CADPS2: variants seen among roughly 807,000 people sequenced by gnomAD.
CADPS2 encodes calcium dependent secretion activator 2, also known as calcium-dependent secretion activator 2.
CADPS2 carries 93 observed loss-of-function variants against 172.5 expected under a neutral mutation model. The ratio of observed to expected loss-of-function variants is 0.54; its 90% CI spans 0.46 to 0.64. CADPS2 has a LOEUF of 0.64. CADPS2 is among the 30% of genes least tolerant of loss of function. CADPS2 has a pLI of 0.00. For synonymous variants in CADPS2, 546 were observed against 555.2 expected, an observed-to-expected ratio of 0.98 and a Z score of 0.23; for missense variants, 1,420 against 1,565.9, an observed-to-expected ratio of 0.91 and a Z score of 1.57.
chr7:122,774,787 C>T (rs895315801), intron 1 of CADPS2, among the ~76,000 whole-genome samples: 1 of 152,110 alleles, frequency 6.6e-6, no homozygotes, highest in Non-Finnish European at 1.5e-5. Context: ...TATTAACTTT[C>T]CTTTGAGGCC....
intron 8 of CADPS2, among the ~76,000 whole-genome samples, chr7:122,542,678 T>C (rs2063220724): frequency 6.6e-6 from 1 of 152,118 alleles, no homozygotes. Flanking sequence ...TTTAATGTTT[T>C]ACACATTTCA....
intron 8 of CADPS2, among the ~76,000 whole-genome samples, chr7:122,540,802 C>T (rs779605250): frequency 3.4e-4 from 51 of 152,184 alleles, no homozygotes; most frequent in Non-Finnish European, 5.4e-4. Flanking sequence ...TAATACCTAT[C>T]AATCATTAAC....
At chr7:122,790,398 A>G (rs1034550955) in intron 1 of CADPS2, among the ~76,000 whole-genome samples, 7 of 85,206 alleles carry the variant, frequency 8.2e-5, no homozygotes, top group African/African-American at 3.0e-4. Context: ...CAGCGTTTCT[A>G]AAAAAAAAAA....
At chr7:122,750,770 C>T (rs542567739) in intron 1 of CADPS2, among the ~76,000 whole-genome samples, 3 of 152,026 alleles carry the variant, frequency 2.0e-5, no homozygotes, top group Non-Finnish European at 4.4e-5. Context: ...GTACGAAAGA[C>T]CTACCCCACA....
At chr7:122,681,607 C>G in intron 2 of CADPS2, 1 of 1,500,574 alleles carries the variant, frequency 6.7e-7, no homozygotes, top group Non-Finnish European at 9.2e-7. Context: ...CGAACACCCC[C>G]ACCCAGATTT....
intron 17 of CADPS2, chr7:122,436,476 G>A: frequency 1.7e-6 from 1 of 581,830 alleles, no homozygotes; most frequent in Non-Finnish European, 2.6e-6. Context: ...AGTTTGATTT[G>A]GTTCTTAGTC....
At chr7:122,615,972 T>C (rs749985269) in intron 5 of CADPS2, among the ~76,000 whole-genome samples, 4 of 152,078 alleles carry the variant, frequency 2.6e-5, no homozygotes, top group African/African-American at 9.6e-5. Flanking sequence ...AAAACTGATA[T>C]TGCCTTATGT....
At chr7:122,561,380 G>A (rs984243268) in intron 7 of CADPS2, among the ~76,000 whole-genome samples, 2 of 151,782 alleles carry the variant, frequency 1.3e-5, no homozygotes, top group African/African-American at 4.8e-5. Flanking sequence ...ACAAAATGGG[G>A]TAGAAGAAAA....
intron 28 of CADPS2, among the ~76,000 whole-genome samples, chr7:122,344,971 T>A (rs1370215198): frequency 1.3e-5 from 2 of 152,154 alleles, no homozygotes; most frequent in African/African-American, 4.8e-5. Flanking sequence ...TCTACCTTTA[T>A]AATGAACTGA....
intron 1 of CADPS2, among the ~76,000 whole-genome samples, chr7:122,755,392 A>C (rs867495107): frequency 6.6e-6 from 1 of 152,308 alleles, no homozygotes; most frequent in Middle Eastern, 3.4e-3. Context: ...GCTAAAACCA[A>C]AATGCCTCAC....
At chr7:122,878,603 G>A (rs1196517644) in intron 1 of CADPS2, among the ~76,000 whole-genome samples, 7 of 151,176 alleles carry the variant, frequency 4.6e-5, no homozygotes, top group Admixed American at 4.6e-4. Flanking sequence ...TCCTGCCACT[G>A]CACTCCAGCC....
intron 1 of CADPS2, among the ~76,000 whole-genome samples, chr7:122,838,866 T>A (rs909176243): frequency 1.3e-5 from 2 of 152,194 alleles, no homozygotes; most frequent in Non-Finnish European, 2.9e-5. Flanking sequence ...AGGTAATTTA[T>A]AGATTCAATG....
At chr7:122,678,482 C>T (rs73719740) in intron 2 of CADPS2, among the ~76,000 whole-genome samples, 6,714 of 152,140 alleles carry the variant, frequency 0.044, 495 homozygotes, top group African/African-American at 0.15. Context: ...TTGGAGTTTA[C>T]GTTTTTTGTA....
At chr7:122,756,690 G>T (rs1418262152) in intron 1 of CADPS2, among the ~76,000 whole-genome samples, 2 of 152,174 alleles carry the variant, frequency 1.3e-5, no homozygotes, top group African/African-American at 4.8e-5. Context: ...CCTGAGGTCA[G>T]GAGTTCGAGA....
At chr7:122,860,664 A>C (rs962324041) in intron 1 of CADPS2, among the ~76,000 whole-genome samples, 2 of 152,204 alleles carry the variant, frequency 1.3e-5, no homozygotes, top group African/African-American at 2.4e-5. Context: ...TCTACTATGC[A>C]ATAGAATATC....
intron 2 of CADPS2, among the ~76,000 whole-genome samples, chr7:122,693,153 C>T (rs2084614772): frequency 6.6e-6 from 1 of 152,182 alleles, no homozygotes; most frequent in South Asian, 2.1e-4. Context: ...ACCAAAATTC[C>T]ATGTGACACT....
chr7:122,631,996 C>T (rs1414458347), intron 3 of CADPS2, among the ~76,000 whole-genome samples: 3 of 152,166 alleles, frequency 2.0e-5, no homozygotes, highest in South Asian at 2.1e-4. Context: ...CCAGCTGCAT[C>T]GACATTGCTG....
At chr7:122,480,234 A>C (rs910957282) in intron 12 of CADPS2, 1 of 420,966 alleles carries the variant, frequency 2.4e-6, no homozygotes, top group Admixed American at 2.6e-5. Context: ...AGAGAAATCT[A>C]TAAATACATA....
chr7:122,820,801 C>T (rs1239855126), intron 1 of CADPS2, among the ~76,000 whole-genome samples: 4 of 136,916 alleles, frequency 2.9e-5, no homozygotes, highest in Admixed American at 7.5e-5. Flanking sequence ...CCTCGTGATC[C>T]GCCCGCCTCG....
Sources: gnomAD v4.1 joint callset for allele counts (sites outside exome capture counted in the v4.1 genomes callset) on GRCh38, gnomAD v4.1.1 for gene constraint, MANE v1.5 for transcripts, NCBI Gene and HGNC (gene_info 2026-07-23, HGNC 2026-07-21) for gene names.